Variants in LRRC9 observed in about 807,000 individuals in gnomAD.
The protein encoded by LRRC9 is leucine rich repeat containing 9.
A neutral mutation model predicts 63.2 loss-of-function variants in LRRC9; 122 were observed. The observed-to-expected ratio is 1.93, with a 90% CI of 1.67 to 2.24. The LOEUF is 2.24. Ranked by LOEUF, LRRC9 falls within the 30% of genes most tolerant of loss-of-function variation. LRRC9 has a pLI of 0.00. For missense variants in LRRC9, 1,071 were observed against 627.7 expected, an observed-to-expected ratio of 1.71 and a Z score of -7.55; for synonymous variants, 366 against 213.1, an observed-to-expected ratio of 1.72 and a Z score of -6.25.
At chr14:59,931,844 T>G (rs1889728584) in intron 5 of LRRC9, 125 bp from the exon 6 acceptor site, 1 of 613,512 alleles carries the variant, frequency 1.6e-6, no homozygotes, top group South Asian at 2.0e-5. Context: ...CAGTGGTTAC[T>G]AATTATACAA....
Position 59,990,212 on chromosome 14 carries a change from C to T in LRRC9, c.2211+4988C>T, listed in dbSNP as rs1421586733. 6.6e-6 allele frequency among the ~76,000 whole-genome samples: 1 copy of T among 151,962 alleles called. No individual in the cohort carries two copies. The highest frequency in any genetic ancestry group is 2.4e-5 in the African/African-American group (1 of 41,378). On this transcript the variant is annotated intron_variant, in intron 17 of 31. Transcript: ENST00000445360. This position sits in a 1 kb window ranked among gnomAD's most constrained non-coding sequence, Gnocchi z 4.2. ...AAAGTGCTGGGATTACAGGCATGAG[C>T]CGCTGTGCCCAGCCTAGATCTTCTT... is the stretch of plus-strand genomic sequence containing the variant.
intron 1 of LRRC9, among the ~76,000 whole-genome samples, chr14:59,925,123 T>C (rs938434268): frequency 2.6e-5 from 4 of 152,180 alleles, no homozygotes; most frequent in African/African-American, 4.8e-5. Flanking sequence ...AGTCAATGAA[T>C]GAACAAAGAG....
chr14:59,936,408 A>G lies in LRRC9; in HGVS notation c.544-1982A>G, dbSNP rs74059366. ...TTCCTCCTACCCTAAGAAGATAACTATCTTATCATGGTGGTGATTGAATCA... is the reference window on the plus strand; with the variant it reads ...TTCCTCCTACCCTAAGAAGATAACTGTCTTATCATGGTGGTGATTGAATCA... On this transcript the variant is annotated intron_variant, in intron 6 of 31. Coordinates refer to ENST00000445360, the Ensembl canonical transcript of LRRC9. The surrounding 1 kb of genome is among the most constrained non-coding windows in gnomAD (Gnocchi z 4.2). Among the ~76,000 whole-genome samples, 1,266 of 152,200 alleles carry G rather than the reference A, an allele frequency of 8.3e-3. 19 individuals carry two copies. The highest frequency in any genetic ancestry group is 0.029 in the African/African-American group (1,204 of 41,518).
In LRRC9 at chr14:60,035,834, G is replaced by A. The variant is rs79304490; in HGVS notation, c.3990+3771G>A. ...GCTTTGGCTATTCGGGAACATTTTA[G>A]GATTTGTTTTTTTATTTCTGTGAAG... On this transcript the variant is annotated intron_variant, in intron 29 of 31. Coordinates refer to ENST00000445360, the Ensembl canonical transcript of LRRC9. Among the ~76,000 whole-genome samples the A allele has an allele frequency of 0.014, 2,139 of 152,202 alleles. 73 individuals are homozygous for A. The East Asian group carries it at 0.15, about 11-fold the overall frequency.
At chr14:60,050,880 A>C (rs1235551433) in intron 29 of LRRC9, among the ~76,000 whole-genome samples, 1 of 151,976 alleles carries the variant, frequency 6.6e-6, no homozygotes, top group Non-Finnish European at 1.5e-5. Context: ...AATTGCCTCC[A>C]TTTTTCCCAT....
intron 12 of LRRC9, among the ~76,000 whole-genome samples, chr14:59,971,626 C>T (rs1288510631): frequency 1.3e-5 from 2 of 151,968 alleles, no homozygotes; most frequent in Non-Finnish European, 2.9e-5. Flanking sequence ...TAATCTTTTG[C>T]TCATAAGCAG....
chr14:60,041,437 T>C (rs1892934898), intron 29 of LRRC9, among the ~76,000 whole-genome samples: 1 of 152,162 alleles, frequency 6.6e-6, no homozygotes, highest in African/African-American at 2.4e-5. Flanking sequence ...GTCCCATATT[T>C]TTTGGAGGCT....
At chr14:60,055,209 A>C (rs1408665460) in intron 30 of LRRC9, among the ~76,000 whole-genome samples, 4 of 152,258 alleles carry the variant, frequency 2.6e-5, no homozygotes, top group African/African-American at 9.6e-5. Context: ...TAGGCAAAGG[A>C]AATTGATTCA....
chr14:60,037,328 G>A (rs1247704907), intron 29 of LRRC9, among the ~76,000 whole-genome samples: 1 of 152,174 alleles, frequency 6.6e-6, no homozygotes, highest in Non-Finnish European at 1.5e-5. Flanking sequence ...CTAGATCCTT[G>A]AGGAATTGCC....
intron 17 of LRRC9, among the ~76,000 whole-genome samples, chr14:59,996,063 T>A (rs1381794842): frequency 6.6e-6 from 1 of 152,146 alleles, no homozygotes; most frequent in Non-Finnish European, 1.5e-5. Flanking sequence ...ATTTTTATGA[T>A]GTGTGGTTCC....
intron 31 of LRRC9, 147 bp from the exon 33 acceptor site, chr14:60,063,176 T>A (rs1458958365): frequency 1.7e-6 from 1 of 580,002 alleles, no homozygotes; most frequent in Non-Finnish European, 3.1e-6. Flanking sequence ...ATTACAGGTG[T>A]GAGCCACCAA....
At chr14:59,939,716 T>C (rs1027902497) in intron 7 of LRRC9, among the ~76,000 whole-genome samples, 16 of 151,464 alleles carry the variant, frequency 1.1e-4, no homozygotes, top group African/African-American at 2.4e-5. Context: ...ATTCAAAGAG[T>C]AAGTTGCTAT....
At chr14:60,029,079 G>A (rs1891783101) in intron 28 of LRRC9, among the ~76,000 whole-genome samples, 2 of 152,032 alleles carry the variant, frequency 1.3e-5, no homozygotes. Flanking sequence ...TCTGAGAAAA[G>A]CCTGCCAAAA....
In LRRC9 at chr14:59,930,886, C is replaced by T. The variant is rs1889645494; in HGVS notation, c.268-32C>T. The T allele has an allele frequency of 8.0e-6, 3 of 375,694 alleles. No homozygotes were observed. In the South Asian group the frequency reaches 1.2e-4, roughly 15 times the overall value. The allele number at this position is 375,694 out of a possible 1,614,324, so 23.3% of individuals were successfully genotyped here. A position where few individuals can be genotyped will look rare whatever the true frequency, so the allele number is the denominator to read the frequency against. Reference sequence around the variant, plus strand: ...GGAAGGATTAATAGCAAAACATAAACTAACATTATTCAGTCTCCTTTTCTT... The same window carrying T: ...GGAAGGATTAATAGCAAAACATAAATTAACATTATTCAGTCTCCTTTTCTT... On this transcript the variant is annotated intron_variant, in intron 3 of 31. Transcript: ENST00000445360. This position sits in a 1 kb window ranked among gnomAD's most constrained non-coding sequence, Gnocchi z 4.9.
At chr14:59,985,341 A>AC in intron 17 of LRRC9, 117 bp downstream of exon 17, 1 of 476,932 alleles carries the variant, frequency 2.1e-6, no homozygotes, top group Non-Finnish European at 3.7e-6. Flanking sequence ...AAGGGTATAA[A>AC]CTTTCAGTTA....
At chr14:60,034,346 T>C (rs1892254017) in intron 29 of LRRC9, among the ~76,000 whole-genome samples, 1 of 152,160 alleles carries the variant, frequency 6.6e-6, no homozygotes, top group Non-Finnish European at 1.5e-5. Flanking sequence ...GCTGTCATAG[T>C]ACTTTCATGA....
rs1031203388 is a variant in LRRC9, at chr14:60,008,220, T to C, written c.3186+6T>C. ...CTTTGGATGGGATACCAATTGTAAG[T>C]TGATTTATGACTCACAACATTTGGT... On this transcript the variant is annotated splice_donor_region_variant and intron_variant, in intron 23 of 31. Transcript: ENST00000445360. 2.9e-6 allele frequency: 2 copies of C among 697,644 alleles called. No individual in the cohort carries two copies. The highest frequency in any genetic ancestry group is 1.5e-5 in the South Asian group (1 of 66,656). 43.2% of individuals were successfully genotyped at this position (697,644 alleles called of 1,614,324 possible).
At position 59,975,140 on chromosome 14, in the gene LRRC9, C is replaced by CATAT; in HGVS notation, c.1639+439_1639+442dup. ...ATATATATATATGTATATATATATA[C>CATAT]ATATATATATGTATATATATATATG... On this transcript the variant is annotated intron_variant, in intron 13 of 31. Coordinates refer to ENST00000445360, the Ensembl canonical transcript of LRRC9. Among the ~76,000 whole-genome samples the CATAT allele has an allele frequency of 1.5e-4, 2 of 13,514 alleles. 1 individual carries two copies. Among genetic ancestry groups the CATAT allele is most frequent in the Admixed American group, 2.4e-3 (2 of 818 alleles). 8.9% of individuals were successfully genotyped at this position (13,514 alleles called of 152,430 possible).
rs1327374531 is a variant in LRRC9 at position 59,995,075 on chromosome 14, A to G, written c.2212-2581A>G. The stretch of plus-strand genomic sequence containing the variant: ...TCATTCCTGGCCTTGCCTGTGTATC[A>G]GTGTACTTAAACTAAGGCTTTCTTT... On this transcript the variant is annotated intron_variant, in intron 17 of 31. Transcript: ENST00000445360. 3.3e-5 allele frequency among the ~76,000 whole-genome samples: 5 copies of G among 152,290 alleles called. No homozygotes were observed. In the East Asian group the frequency reaches 9.6e-4, roughly 29 times the overall value.
Sources: allele counts gnomAD v4.1 joint callset (sites outside exome capture counted in the v4.1 genomes callset), GRCh38; gene constraint gnomAD v4.1.1; non-coding constraint Gnocchi (gnomAD v3.1); transcripts MANE v1.5; gene names NCBI Gene and HGNC (gene_info 2026-07-23, HGNC 2026-07-21).